HS3ST3B1: variants seen among roughly 807,000 people sequenced by gnomAD.
HS3ST3B1 encodes heparan sulfate-glucosamine 3-sulfotransferase 3B1.
HS3ST3B1 carries 13 observed loss-of-function variants against 21.3 expected under a neutral mutation model. The observed-to-expected ratio is 0.61, with a 90% CI of 0.40 to 0.97. HS3ST3B1 has a LOEUF of 0.97. Among genes scored for constraint, HS3ST3B1 ranks in the 50% least tolerant of loss-of-function variants. The probability of loss-of-function intolerance (pLI) is 0.00; values close to 1 mark genes in which losing one functional copy is unlikely to be tolerated. For synonymous variants in HS3ST3B1, 234 were observed against 254.8 expected (o/e 0.92, Z 0.78); for missense variants, 459 against 554.8 (o/e 0.83, Z 1.73).
At chr17:14,306,960 G>A (rs1189186149) in intron 1 of HS3ST3B1, among the ~76,000 whole-genome samples, 2 of 152,192 alleles carry the variant, frequency 1.3e-5, no homozygotes, top group Non-Finnish European at 2.9e-5. Context: ...ACCTAAATTA[G>A]ACCATAAAAT....
At chr17:14,320,827 G>A (rs79770120) in intron 1 of HS3ST3B1, among the ~76,000 whole-genome samples, 7 of 152,116 alleles carry the variant, frequency 4.6e-5, no homozygotes, top group East Asian at 1.9e-4. Context: ...CCCATTGGCC[G>A]CTCAGTTCCA....
intron 1 of HS3ST3B1, chr17:14,329,560 AAAG>A (rs892491128): frequency 6.6e-6 from 1 of 151,386 alleles, no homozygotes; most frequent in African/African-American, 2.4e-5. Flanking sequence ...AAAGGAAAGA[AAAG>A]AAGAAAAGAA....
At chr17:14,309,404 T>C (rs1909233881) in intron 1 of HS3ST3B1, among the ~76,000 whole-genome samples, 1 of 152,160 alleles carries the variant, frequency 6.6e-6, no homozygotes, top group Non-Finnish European at 1.5e-5. Context: ...CGGCCTCACC[T>C]GTTGGGCTGA....
Position 14,329,153 on chromosome 17 carries a change from C to T in HS3ST3B1, c.555-15875C>T, listed in dbSNP as rs570522823. 3.3e-5 allele frequency: 5 copies of T among 152,176 alleles called. 1 individual carries two copies. The East Asian group carries it at 9.7e-4, about 29-fold the overall frequency. The allele number at this position is 152,176 out of a possible 1,614,324, so 9.4% of individuals were successfully genotyped here. ...GTCCCAAACTCCTAGTGGTCCTGCACTCAGGAGATAGGGAAGGTCGCTGAC... is the reference window on the plus strand; with the variant it reads ...GTCCCAAACTCCTAGTGGTCCTGCATTCAGGAGATAGGGAAGGTCGCTGAC... On this transcript the variant is annotated intron_variant, in intron 1 of 1. Transcript: ENST00000360954.
chr17:14,332,248 G>T lies in HS3ST3B1; in HGVS notation c.555-12780G>T, dbSNP rs138816011. Among the ~76,000 whole-genome samples the T allele has an allele frequency of 2.0e-5, 3 of 152,124 alleles. No homozygotes were observed. In the East Asian group the frequency reaches 5.8e-4, roughly 29 times the overall value. On this transcript the variant is annotated intron_variant, in intron 1 of 1. Transcript: ENST00000360954. The stretch of plus-strand genomic sequence containing the variant: ...ACTTAAGGTTAGTACATTGGCTTTC[G>T]GAGAAGACAGTAGTTTAGGCCATGC...
intron 1 of HS3ST3B1, among the ~76,000 whole-genome samples, chr17:14,343,683 C>T (rs1433507496): frequency 6.6e-6 from 1 of 152,160 alleles, no homozygotes; most frequent in Non-Finnish European, 1.5e-5. Flanking sequence ...TTTTTAAAGG[C>T]TGTATAATAT....
intron 1 of HS3ST3B1, among the ~76,000 whole-genome samples, chr17:14,324,648 C>A (rs1909752219): frequency 6.6e-6 from 1 of 152,118 alleles, no homozygotes; most frequent in Non-Finnish European, 1.5e-5. Context: ...GGGTCTTGCT[C>A]TGTTGCCCAG....
At chr17:14,333,340 G>A (rs550376335) in intron 1 of HS3ST3B1, among the ~76,000 whole-genome samples, 26 of 151,884 alleles carry the variant, frequency 1.7e-4, no homozygotes, top group South Asian at 1.3e-3. Flanking sequence ...GGTGGCAGGC[G>A]CCTGTAGTCT....
chr17:14,336,310 A>G (rs1910184393), intron 1 of HS3ST3B1, among the ~76,000 whole-genome samples: 4 of 152,238 alleles, frequency 2.6e-5, no homozygotes. Context: ...TTCAAACAGT[A>G]ACTTCAATTG....
Position 14,301,865 on chromosome 17 carries a change from C to G in HS3ST3B1, c.347C>G (p.Pro116Arg), listed in dbSNP as rs780997475. 2.5e-6 allele frequency: 4 copies of G among 1,601,710 alleles called. No individual in the cohort carries two copies. In the East Asian group the frequency reaches 9.0e-5, roughly 36 times the overall value. ...GCTGCGAGCCCGGAGGAGCAGAGTCCCGAGGTGCCGGACTCCCCAAGCCCC... is the reference window on the plus strand; with the variant it reads ...GCTGCGAGCCCGGAGGAGCAGAGTCGCGAGGTGCCGGACTCCCCAAGCCCC... ...EGAASPEEQS[P>R]EVPDSPSPIS... The change falls in exon 1 of 2, where the codon CCC becomes CGC. Residue 116 changes from proline (P) to arginine (R), a missense_variant. Around this residue, in one of 3 missense-constraint regions of HS3ST3B1, gnomAD observed 317 missense variants for 278.6 expected, o/e 1.14. Transcript: ENST00000360954.
chr17:14,329,876 G>A (rs937404031), intron 1 of HS3ST3B1, among the ~76,000 whole-genome samples: 28 of 152,198 alleles, frequency 1.8e-4, no homozygotes, highest in Non-Finnish European at 4.0e-4. Flanking sequence ...AAATGCCAAC[G>A]GAGACATAAA....
At chr17:14,308,540 T>C (rs2142325026) in intron 1 of HS3ST3B1, among the ~76,000 whole-genome samples, 1 of 152,298 alleles carries the variant, frequency 6.6e-6, no homozygotes, top group Non-Finnish European at 1.5e-5. Context: ...AAGATTGCTG[T>C]TTGTAAAAAT....
Position 14,343,167 on chromosome 17 carries a change from G to A in HS3ST3B1, c.555-1861G>A, listed in dbSNP as rs190677835. On this transcript the variant is annotated intron_variant, in intron 1 of 1. Coordinates refer to ENST00000360954, the MANE Select transcript of HS3ST3B1 (RefSeq NM_006041.3). Reference sequence around the variant, plus strand: ...TGAGGCAGGAGAATTGCTTGAACCCGAGAGGCGGAGGTTGCAGTGAGCCGA... The same window carrying A: ...TGAGGCAGGAGAATTGCTTGAACCCAAGAGGCGGAGGTTGCAGTGAGCCGA... Among the ~76,000 whole-genome samples the A allele has an allele frequency of 2.0e-3, 305 of 151,826 alleles. 1 individual carries two copies. The highest frequency in any genetic ancestry group is 4.3e-3 in the African/African-American group (178 of 41,444).
chr17:14,302,161 G>A (rs184443129), intron 1 of HS3ST3B1, 89 bp downstream of exon 1: 4 of 1,443,866 alleles, frequency 2.8e-6, no homozygotes, highest in African/African-American at 1.4e-5. Flanking sequence ...AATTGGCAGG[G>A]TTACAGCTTC....
intron 1 of HS3ST3B1, among the ~76,000 whole-genome samples, chr17:14,335,666 C>T (rs1003823422): frequency 1.3e-5 from 2 of 151,876 alleles, no homozygotes; most frequent in African/African-American, 4.8e-5. Flanking sequence ...TGCACTCCAG[C>T]CAGGGCAACA....
At chr17:14,322,638 A>T (rs1909691458) in intron 1 of HS3ST3B1, among the ~76,000 whole-genome samples, 1 of 152,176 alleles carries the variant, frequency 6.6e-6, no homozygotes, top group Non-Finnish European at 1.5e-5. Flanking sequence ...TATTGCAGGC[A>T]GAGTGTTTGG....
At position 14,336,768 on chromosome 17, in the gene HS3ST3B1, T is replaced by C. The variant is rs567081842; in HGVS notation, c.555-8260T>C. 3.2e-4 allele frequency among the ~76,000 whole-genome samples: 48 copies of C among 152,354 alleles called. 1 individual carries two copies. The highest frequency in any genetic ancestry group is 2.3e-3 in the South Asian group (11 of 4,830). Reference sequence around the variant, plus strand: ...GAAAACAGGAATTTATGCCATTAATTCATCTTACTTTCATGGAATTTTTTT... The same window carrying C: ...GAAAACAGGAATTTATGCCATTAATCCATCTTACTTTCATGGAATTTTTTT... On this transcript the variant is annotated intron_variant, in intron 1 of 1. Transcript: ENST00000360954.
rs891135182 is a variant in HS3ST3B1, at chr17:14,312,040, G to T, written c.554+9968G>T. On this transcript the variant is annotated intron_variant, in intron 1 of 1. Coordinates refer to ENST00000360954, the MANE Select transcript of HS3ST3B1 (RefSeq NM_006041.3). ...GTGATTTTTGCATTTTACTTTTCCA[G>T]GAGCTTTCCAAAGAGAGCTAAGGAA... Among the ~76,000 whole-genome samples the T allele has an allele frequency of 2.0e-5, 3 of 152,090 alleles. No homozygotes were observed. In the East Asian group the frequency reaches 5.8e-4, roughly 29 times the overall value.
chr17:14,344,074 G>T (rs547234813), intron 1 of HS3ST3B1, among the ~76,000 whole-genome samples: 1 of 151,790 alleles, frequency 6.6e-6, no homozygotes, highest in African/African-American at 2.4e-5. Flanking sequence ...TTGTTTTTTA[G>T]CTTTTAGTAG....
Sources: allele counts gnomAD v4.1 joint callset (sites outside exome capture counted in the v4.1 genomes callset), GRCh38; gene constraint gnomAD v4.1.1; regional missense constraint gnomAD v4.1.1; transcripts MANE v1.5; gene names NCBI Gene and HGNC (gene_info 2026-07-23, HGNC 2026-07-21).